Variants in SLC39A11 observed in about 807,000 individuals in gnomAD.
SLC39A11 encodes zinc transporter ZIP11.
In SLC39A11, 33 loss-of-function variants were observed where a neutral mutation model predicts 36.1. The observed-to-expected ratio is 0.91, with a 90% CI of 0.69 to 1.22. The LOEUF (loss-of-function observed/expected upper bound fraction) is 1.22. Among genes scored for constraint, SLC39A11 ranks in the 50% most tolerant of loss-of-function variants. The pLI is 0.00. For synonymous variants in SLC39A11, 166 were observed against 170.3 expected, an observed-to-expected ratio of 0.97 and a Z score of 0.20; for missense variants, 432 against 430.3, an observed-to-expected ratio of 1.00 and a Z score of -0.03.
At chr17:72,793,732 G>A (rs2076796512) in intron 6 of SLC39A11, among the ~76,000 whole-genome samples, 1 of 152,156 alleles carries the variant, frequency 6.6e-6, no homozygotes, top group Non-Finnish European at 1.5e-5. Flanking sequence ...ACCCAGTCTG[G>A]AAAATGCCTC....
At chr17:72,898,389 G>A (rs1030899225) in intron 5 of SLC39A11, among the ~76,000 whole-genome samples, 1 of 152,202 alleles carries the variant, frequency 6.6e-6, no homozygotes, top group Non-Finnish European at 1.5e-5. Flanking sequence ...GGGAGGAAAT[G>A]TATTGTTGAC....
chr17:72,780,847 C>T (rs60489312), intron 6 of SLC39A11, among the ~76,000 whole-genome samples: 5,626 of 152,076 alleles, frequency 0.037, 327 homozygotes, highest in African/African-American at 0.13. Context: ...ATTAGCTGGG[C>T]GTGGTGGCAA....
At chr17:73,089,236 T>C (rs1162268850) in intron 1 of SLC39A11, among the ~76,000 whole-genome samples, 1 of 151,932 alleles carries the variant, frequency 6.6e-6, no homozygotes, top group Non-Finnish European at 1.5e-5. Flanking sequence ...TTAATCCCCA[T>C]CACATCTGCA....
At chr17:72,724,690 T>C (rs1392137167) in intron 7 of SLC39A11, among the ~76,000 whole-genome samples, 1 of 152,064 alleles carries the variant, frequency 6.6e-6, no homozygotes, top group African/African-American at 2.4e-5. Flanking sequence ...ATTAGAGACT[T>C]GGGCTAGATC....
At chr17:72,967,857 G>A (rs1401524391) in intron 4 of SLC39A11, among the ~76,000 whole-genome samples, 1 of 152,134 alleles carries the variant, frequency 6.6e-6, no homozygotes, top group African/African-American at 2.4e-5. Context: ...TAATAACTGT[G>A]CCCAGCCCCT....
At chr17:73,033,502 G>T (rs1258393940) in intron 3 of SLC39A11, among the ~76,000 whole-genome samples, 1 of 152,222 alleles carries the variant, frequency 6.6e-6, no homozygotes, top group African/African-American at 2.4e-5. Context: ...GTGCATGACT[G>T]TAGTCCTAGC....
At chr17:72,743,302 C>A (rs1237220566) in intron 6 of SLC39A11, among the ~76,000 whole-genome samples, 31 of 152,164 alleles carry the variant, frequency 2.0e-4, no homozygotes, top group Admixed American at 2.0e-3. Context: ...CAACATGGCC[C>A]CATGGGTAGT....
intron 6 of SLC39A11, among the ~76,000 whole-genome samples, chr17:72,745,679 C>T (rs550636847): frequency 2.5e-4 from 38 of 152,320 alleles, no homozygotes; most frequent in Non-Finnish European, 4.3e-4. Context: ...CTCTGTTCCA[C>T]GCCATTTGTT....
chr17:72,694,662 G>C (rs991492090), intron 7 of SLC39A11, among the ~76,000 whole-genome samples: 2 of 152,328 alleles, frequency 1.3e-5, no homozygotes, highest in Non-Finnish European at 2.9e-5. Flanking sequence ...ACTTGAATAC[G>C]AAGGTGGAGG....
At chr17:72,862,723 C>T (rs1309370493) in intron 5 of SLC39A11, among the ~76,000 whole-genome samples, 2 of 151,616 alleles carry the variant, frequency 1.3e-5, no homozygotes, top group African/African-American at 2.4e-5. Context: ...ATGAGTACTG[C>T]CCACTAAGGT....
At chr17:72,654,006 C>T (rs1187688651) in intron 7 of SLC39A11, among the ~76,000 whole-genome samples, 2 of 152,156 alleles carry the variant, frequency 1.3e-5, no homozygotes, top group Admixed American at 1.3e-4. Context: ...AAAAAGGTGT[C>T]ATTCTGGTCC....
At chr17:72,883,616 G>A (rs115604736) in intron 5 of SLC39A11, among the ~76,000 whole-genome samples, 1,703 of 152,164 alleles carry the variant, frequency 0.011, 41 homozygotes, top group African/African-American at 0.035. Context: ...TACAATTTCT[G>A]AGGCTTGACT....
intron 6 of SLC39A11, among the ~76,000 whole-genome samples, chr17:72,770,190 A>C (rs2075886377): frequency 1.3e-5 from 2 of 152,242 alleles, no homozygotes; most frequent in South Asian, 4.1e-4. Flanking sequence ...CCTTGAGGAC[A>C]TTATGCTAAG....
At chr17:72,748,886 A>G (rs2075045835) in intron 6 of SLC39A11, among the ~76,000 whole-genome samples, 1 of 152,242 alleles carries the variant, frequency 6.6e-6, no homozygotes, top group South Asian at 2.1e-4. Context: ...CTGAAGAAGT[A>G]TATCTGCAGG....
intron 6 of SLC39A11, among the ~76,000 whole-genome samples, chr17:72,773,937 A>G (rs2076046110): frequency 6.6e-6 from 1 of 152,186 alleles, no homozygotes; most frequent in Non-Finnish European, 1.5e-5. Flanking sequence ...ATGAGCCTGG[A>G]CTGGGAAGCA....
intron 4 of SLC39A11, among the ~76,000 whole-genome samples, chr17:73,000,123 A>G (rs924745263): frequency 6.6e-6 from 1 of 152,108 alleles, no homozygotes; most frequent in Non-Finnish European, 1.5e-5. Flanking sequence ...CTCTTCCCAT[A>G]ACAGGAGCTG....
intron 6 of SLC39A11, among the ~76,000 whole-genome samples, chr17:72,785,079 G>T (rs1219998594): frequency 1.3e-5 from 2 of 152,024 alleles, no homozygotes; most frequent in African/African-American, 4.8e-5. Flanking sequence ...TATTGGTCAG[G>T]CTGGTCTTGA....
intron 5 of SLC39A11, among the ~76,000 whole-genome samples, chr17:72,930,884 G>A (rs1466992820): frequency 6.6e-6 from 1 of 152,202 alleles, no homozygotes; most frequent in Non-Finnish European, 1.5e-5. Context: ...TCCAAAGAGA[G>A]GGAAGGACCC....
rs567356435 is a variant in SLC39A11 at position 73,017,975 on chromosome 17, A to G, written c.306+13581T>C. Among the ~76,000 whole-genome samples, 4 of 152,324 alleles carry G rather than the reference A, an allele frequency of 2.6e-5. No individual in the cohort carries two copies. In the South Asian group the frequency reaches 8.3e-4, roughly 32 times the overall value. On this transcript the variant is annotated intron_variant, in intron 4 of 9. Transcript: ENST00000255559. ...TCCAGAGGTCATATGGTACTAGAAG[A>G]TAAAATTCCAACTAGTCTTAGCAAG...
Sources: allele counts gnomAD v4.1 joint callset (sites outside exome capture counted in the v4.1 genomes callset), GRCh38; gene constraint gnomAD v4.1.1; transcripts MANE v1.5; gene names NCBI Gene and HGNC (gene_info 2026-07-23, HGNC 2026-07-21).